RBFOX1: variants seen among roughly 807,000 people sequenced by gnomAD.
RBFOX1 encodes RNA binding protein fox-1 homolog 1.
A neutral mutation model predicts 57.7 loss-of-function variants in RBFOX1; 8 were observed. The observed-to-expected ratio is 0.14, with a 90% CI of 0.08 to 0.25. The LOEUF (loss-of-function observed/expected upper bound fraction) is 0.25. Among genes scored for constraint, RBFOX1 ranks in the 10% least tolerant of loss-of-function variants. RBFOX1 has a pLI of 1.00. For missense variants in RBFOX1, 611 were observed against 548.5 expected (o/e 1.11, Z -1.14); for synonymous variants, 326 against 222.4 (o/e 1.47, Z -4.15).
chr16:6,900,335 G>C (rs2068144470), intron 3 of RBFOX1, among the ~76,000 whole-genome samples: 1 of 152,212 alleles, frequency 6.6e-6, no homozygotes. Context: ...TCCCCCTGGA[G>C]CTACCACAAA....
intron 3 of RBFOX1, among the ~76,000 whole-genome samples, chr16:6,779,929 A>ATATATT (rs1160602705): frequency 7.0e-5 from 1 of 14,206 alleles, no homozygotes; most frequent in African/African-American, 2.6e-4. Context: ...ATATATATTT[A>ATATATT]TATATATTTA....
chr16:5,928,699 A>G (rs67938432), intron 4 of RBFOX1, among the ~76,000 whole-genome samples: 52,608 of 148,446 alleles, frequency 0.35, 9,681 homozygotes, highest in Middle Eastern at 0.56. Context: ...CTTCTGCCCA[A>G]TAAAAAAAAA....
intron 2 of RBFOX1, among the ~76,000 whole-genome samples, chr16:6,469,569 C>T (rs1328156660): frequency 3.3e-5 from 5 of 152,198 alleles, no homozygotes; most frequent in African/African-American, 7.2e-5. Flanking sequence ...GGTATCTCAG[C>T]ACTCAAGAAC....
intron 1 of RBFOX1, among the ~76,000 whole-genome samples, chr16:6,077,509 AT>A (rs1456759206): frequency 1.3e-5 from 2 of 152,066 alleles, no homozygotes; most frequent in Non-Finnish European, 2.9e-5. Flanking sequence ...CCCTCTTGGA[AT>A]TGTGTCGTGC....
chr16:5,274,501 C>A (rs1299147728), intron 1 of RBFOX1, among the ~76,000 whole-genome samples: 1 of 152,168 alleles, frequency 6.6e-6, no homozygotes. Context: ...TGCACCCTAG[C>A]CTGCGTGATA....
chr16:5,267,523 C>T (rs1428516204), intron 1 of RBFOX1, among the ~76,000 whole-genome samples: 1 of 151,648 alleles, frequency 6.6e-6, no homozygotes, highest in Non-Finnish European at 1.5e-5. Flanking sequence ...GTCTCAAACT[C>T]CTGGCCTGAA....
At chr16:6,510,820 G>A (rs529423749) in intron 2 of RBFOX1, among the ~76,000 whole-genome samples, 1 of 151,050 alleles carries the variant, frequency 6.6e-6, no homozygotes, top group South Asian at 2.1e-4. Context: ...TTTGTCATTT[G>A]TTAAGTAGTG....
chr16:7,217,336 G>A (rs1182855288), intron 4 of RBFOX1, among the ~76,000 whole-genome samples: 1 of 122,358 alleles, frequency 8.2e-6, no homozygotes, highest in East Asian at 2.5e-4. Flanking sequence ...TTGCCAAGTT[G>A]GCTAGGCTAG....
chr16:5,710,529 G>A (rs2051446723), intron 3 of RBFOX1, among the ~76,000 whole-genome samples: 1 of 152,192 alleles, frequency 6.6e-6, no homozygotes, highest in Non-Finnish European at 1.5e-5. Context: ...TGGCAGGCCT[G>A]GCACATGGGT....
At chr16:5,644,570 C>T (rs940321166) in intron 3 of RBFOX1, among the ~76,000 whole-genome samples, 5 of 152,178 alleles carry the variant, frequency 3.3e-5, no homozygotes, top group East Asian at 1.9e-4. Flanking sequence ...GGAACTCAGC[C>T]GTGTCTCTGA....
At chr16:7,605,267 G>A (rs963260301) in intron 9 of RBFOX1, among the ~76,000 whole-genome samples, 18 of 152,022 alleles carry the variant, frequency 1.2e-4, no homozygotes, top group Non-Finnish European at 2.5e-4. Flanking sequence ...TTATTTTTAC[G>A]TCACTATAGA....
At chr16:6,921,106 A>G (rs1355092796) in intron 3 of RBFOX1, among the ~76,000 whole-genome samples, 1 of 152,148 alleles carries the variant, frequency 6.6e-6, no homozygotes, top group Non-Finnish European at 1.5e-5. Flanking sequence ...CTTTGTGACC[A>G]TTGATAAGTT....
intron 2 of RBFOX1, among the ~76,000 whole-genome samples, chr16:6,501,008 C>T (rs1313848725): frequency 6.6e-6 from 1 of 151,654 alleles, no homozygotes; most frequent in African/African-American, 2.4e-5. Flanking sequence ...CCCTTCCTCC[C>T]AGAGCTACTT....
chr16:5,951,651 G>T (rs780248301), intron 4 of RBFOX1, among the ~76,000 whole-genome samples: 9 of 152,000 alleles, frequency 5.9e-5, no homozygotes, highest in Non-Finnish European at 8.8e-5. Flanking sequence ...AGCAGAAACA[G>T]TCCCTGCACT....
chr16:6,622,674 T>C (rs979453169), intron 2 of RBFOX1, among the ~76,000 whole-genome samples: 2 of 152,190 alleles, frequency 1.3e-5, no homozygotes, highest in African/African-American at 4.8e-5. Flanking sequence ...AGAAGATAAA[T>C]GAATGAGTGA....
chr16:7,461,380 A>G (rs1399163622), intron 4 of RBFOX1, among the ~76,000 whole-genome samples: 3 of 152,054 alleles, frequency 2.0e-5, no homozygotes, highest in Admixed American at 1.3e-4. Flanking sequence ...GTTGGCCAGG[A>G]TGGTGTCCAT....
intron 4 of RBFOX1, among the ~76,000 whole-genome samples, chr16:5,945,931 A>G (rs113949843): frequency 3.3e-5 from 5 of 152,274 alleles, no homozygotes; most frequent in African/African-American, 1.2e-4. Flanking sequence ...CGAGAGAGGG[A>G]TTGGTGTGCT....
intron 1 of RBFOX1, among the ~76,000 whole-genome samples, chr16:6,230,253 C>G (rs1199155771): frequency 1.3e-5 from 2 of 151,960 alleles, no homozygotes; most frequent in Admixed American, 6.6e-5. Flanking sequence ...CAATAATCAC[C>G]AATCTCGATT....
chr16:7,130,481 C>G (rs1198365725), intron 4 of RBFOX1, among the ~76,000 whole-genome samples: 2 of 152,160 alleles, frequency 1.3e-5, no homozygotes, highest in Admixed American at 6.5e-5. Flanking sequence ...CTCTGTCTCA[C>G]TCATTGCAGT....
Sources: gnomAD v4.1 joint callset for allele counts (sites outside exome capture counted in the v4.1 genomes callset) on GRCh38, gnomAD v4.1.1 for gene constraint, MANE v1.5 for transcripts, NCBI Gene and HGNC (gene_info 2026-07-23, HGNC 2026-07-21) for gene names.